The following SLC1A7 variants were observed in gnomAD, a reference collection of about 807,000 sequenced individuals.
SLC1A7 encodes solute carrier family 1 member 7.
SLC1A7 carries 40 observed loss-of-function variants against 47.7 expected under a neutral mutation model. That is an observed-to-expected ratio of 0.84 (90% confidence interval 0.65 to 1.09). The LOEUF (loss-of-function observed/expected upper bound fraction) is 1.09, where lower values mean the gene tolerates loss of function less well. Among genes scored for constraint, SLC1A7 ranks in the 50% least tolerant of loss-of-function variants. The probability of loss-of-function intolerance (pLI) is 0.00; values close to 1 mark genes in which losing one functional copy is unlikely to be tolerated. For synonymous variants in SLC1A7, 323 were observed against 325.6 expected (o/e 0.99, Z 0.09); for missense variants, 746 against 769.5 (o/e 0.97, Z 0.36).
At chr1:53,098,423 A>G (rs1431989741) in intron 5 of SLC1A7, among the ~76,000 whole-genome samples, 3 of 135,278 alleles carry the variant, frequency 2.2e-5, no homozygotes, top group African/African-American at 8.6e-5. Context: ...TTACACTCAC[A>G]CCGCCTCAGT....
chr1:53,097,755 G>A (rs975913561), intron 5 of SLC1A7, among the ~76,000 whole-genome samples: 5 of 128,274 alleles, frequency 3.9e-5, no homozygotes, highest in Admixed American at 1.5e-4. Context: ...CAGTGCCTTG[G>A]TACACTCACA....
chr1:53,090,468 C>G (rs932395973), intron 8 of SLC1A7, 144 bp downstream of exon 8: 5 of 1,300,342 alleles, frequency 3.8e-6, no homozygotes, highest in East Asian at 2.6e-5. Flanking sequence ...CCTCCAGGCT[C>G]GGAGCTCCCA....
At chr1:53,121,595 G>A (rs916069932) in intron 2 of SLC1A7, among the ~76,000 whole-genome samples, 1 of 152,282 alleles carries the variant, frequency 6.6e-6, no homozygotes, top group Non-Finnish European at 1.5e-5. Context: ...GTAGAGGACA[G>A]GAAGCTGGGA....
Position 53,103,573 on chromosome 1 carries a change from T to TG in SLC1A7, c.475-6dup. The TG allele has an allele frequency of 6.4e-7, 1 of 1,555,514 alleles. No individual in the cohort carries two copies. Among genetic ancestry groups the TG allele is most frequent in the Non-Finnish European group, 8.7e-7 (1 of 1,146,662 alleles). Reference sequence around the variant, plus strand: ...TGGGGTGGTCTTGGTGCGGTACTGGTGGGTGACACCCCACCCAGAGAGAAG... The same window carrying TG: ...TGGGGTGGTCTTGGTGCGGTACTGGTGGGGTGACACCCCACCCAGAGAGAAG... On this transcript the variant is annotated splice_polypyrimidine_tract_variant and splice_region_variant and intron_variant, in intron 4 of 10. Transcript: ENST00000371494.
At chr1:53,137,299 A>AAAAAAAAAAAGG (rs71044460) in intron 1 of SLC1A7, among the ~76,000 whole-genome samples, 1 of 139,694 alleles carries the variant, frequency 7.2e-6, no homozygotes, top group Non-Finnish European at 1.5e-5. Flanking sequence ...AAAAAAAAAA[A>AAAAAAAAAAAGG]GTGCTCTACT....
chr1:53,115,792 C>T (rs571831606), intron 2 of SLC1A7: 2 of 152,460 alleles, frequency 1.3e-5, no homozygotes, highest in African/African-American at 4.8e-5. Flanking sequence ...TCTCTCCTCT[C>T]GGCTCCTCCC....
rs1233223018 is a variant in SLC1A7 at position 53,088,172 on chromosome 1, TG to T, written c.1519del (p.Gln507SerfsTer6). On this transcript the variant is annotated frameshift_variant, in exon 11 of 11. Coordinates refer to ENST00000371494, the MANE Select transcript of SLC1A7 (RefSeq NM_006671.6). LOFTEE classifies it high-confidence loss of function. Reference sequence around the variant, plus strand: ...TACACTCTTCACACAGCCATTCTGCTGGGCTGCCACGATCTCCTGGAGGCTC... The same window carrying T: ...TACACTCTTCACACAGCCATTCTGCTGGCTGCCACGATCTCCTGGAGGCTC... ...PVSLQEIVAA[Q>X]QNGCVKSVAE... The T allele has an allele frequency of 2.5e-6, 4 of 1,613,460 alleles. No individual in the cohort carries two copies. Among genetic ancestry groups the T allele is most frequent in the Non-Finnish European group, 3.4e-6 (4 of 1,179,734 alleles).
rs777930839 is a variant in SLC1A7 at position 53,114,782 on chromosome 1, G to A, written c.407C>T (p.Ala136Val). ...CCGGATGAGGTCCAACAGGGCATCGGCTGAGCTCATGATGGGCTTCCCACT... is the reference window on the plus strand; with the variant it reads ...CCGGATGAGGTCCAACAGGGCATCGACTGAGCTCATGATGGGCTTCCCACT... ...EQSGKPIMSS[A>V]DALLDLIRNM... The change falls in exon 3 of 11, where the codon GCC becomes GTC. Residue 136 changes from alanine to valine, a missense_variant. By Grantham distance (64) the Ala-to-Val change is moderately conservative. Coordinates refer to ENST00000371494, the MANE Select transcript of SLC1A7 (RefSeq NM_006671.6). The A allele has an allele frequency of 1.2e-6, 2 of 1,614,058 alleles. No homozygotes were observed. The highest frequency in any genetic ancestry group is 1.7e-6 in the Non-Finnish European group (2 of 1,179,998).
chr1:53,095,206 A>T (rs2150317299), intron 5 of SLC1A7, among the ~76,000 whole-genome samples: 1 of 151,616 alleles, frequency 6.6e-6, no homozygotes, highest in South Asian at 2.1e-4. Context: ...ACACAGACGC[A>T]GGTGCACATA....
chr1:53,119,226 AT>A (rs1170679645), intron 2 of SLC1A7, among the ~76,000 whole-genome samples: 1 of 152,108 alleles, frequency 6.6e-6, no homozygotes, highest in Non-Finnish European at 1.5e-5. Context: ...TAATGTCAAG[AT>A]TGGAACAGGG....
intron 2 of SLC1A7, among the ~76,000 whole-genome samples, chr1:53,128,241 A>G (rs3766800): frequency 0.15 from 22,504 of 152,210 alleles, 2,207 homozygotes; most frequent in East Asian, 0.31. Flanking sequence ...TTGAGAGGCC[A>G]AGGCAGGAGG....
chr1:53,109,281 G>A (rs1255340044), intron 3 of SLC1A7, among the ~76,000 whole-genome samples: 1 of 152,126 alleles, frequency 6.6e-6, no homozygotes, highest in Non-Finnish European at 1.5e-5. Context: ...TCCAATCCCT[G>A]AGAGGGTAGT....
intron 2 of SLC1A7, 73 bp downstream of exon 2, chr1:53,134,277 G>T: frequency 9.1e-7 from 1 of 1,094,332 alleles, no homozygotes; most frequent in South Asian, 1.4e-5. Flanking sequence ...ACCCACAGCA[G>T]GAGCAGGGCA....
Position 53,100,583 on chromosome 1 carries a change from A to T in SLC1A7, c.697+2763T>A, listed in dbSNP as rs565741453. ...CTGCCTCAATACACATACACATACC[A>T]CCTCAGTACACTCACACAACCTGCC... On this transcript the variant is annotated intron_variant, in intron 5 of 10. Transcript: ENST00000371494. 2.5e-3 allele frequency among the ~76,000 whole-genome samples: 354 copies of T among 139,916 alleles called. 6 individuals carry two copies. The highest frequency in any genetic ancestry group is 4.6e-4 in the Non-Finnish European group (30 of 65,506). 91.8% of individuals were successfully genotyped at this position (139,916 alleles called of 152,430 possible).
intron 3 of SLC1A7, among the ~76,000 whole-genome samples, chr1:53,109,509 T>C (rs146938374): frequency 0.02 from 2,973 of 152,306 alleles, 36 homozygotes; most frequent in Middle Eastern, 0.044. Flanking sequence ...TGGCCTGTTG[T>C]GTTCCTCTGG....
intron 3 of SLC1A7, among the ~76,000 whole-genome samples, chr1:53,111,101 T>C (rs1054353538): frequency 6.6e-6 from 1 of 151,914 alleles, no homozygotes; most frequent in Admixed American, 6.5e-5. Flanking sequence ...TATGATCATG[T>C]TGGGTAGTAA....
rs1454107463 is a variant in SLC1A7 at position 53,088,102 on chromosome 1, G to A, written c.1590C>T (p.His530=). Residue 530 remains histidine (H), a synonymous_variant, in exon 11 of 11, where the codon CAC becomes CAT. Transcript: ENST00000371494. The stretch of plus-strand genomic sequence containing the variant: ...CATCCTGCTCCACTTGAACGGGGAC[G>A]TGGTGGGGGCAGGTGGGGCCCAGGG... ...ELTLGPTCPH[H]VPVQVEQDEE... 5 of 1,612,018 alleles carry A rather than the reference G, an allele frequency of 3.1e-6. No homozygotes were observed. In the Admixed American group the frequency reaches 5.0e-5, roughly 16 times the overall value.
Position 53,142,559 on chromosome 1 carries a change from C to T in SLC1A7, c.-110G>A, listed in dbSNP as rs749182320. 6.6e-5 allele frequency: 87 copies of T among 1,320,036 alleles called. No homozygotes were observed. The highest frequency in any genetic ancestry group is 3.2e-5 in the Non-Finnish European group (31 of 983,956). 81.8% of individuals were successfully genotyped at this position (1,320,036 alleles called of 1,614,324 possible). On this transcript the variant is annotated 5_prime_UTR_variant, in exon 1 of 11. Coordinates refer to ENST00000371494, the MANE Select transcript of SLC1A7 (RefSeq NM_006671.6). ...TCTAGCCCCTCAGCAGGCAGGTGGT[C>T]GGAGTTGCTAAACACCAGTCGCCAG...
intron 5 of SLC1A7, 200 bp downstream of exon 5, chr1:53,103,146 G>A (rs548069448): frequency 7.7e-6 from 4 of 520,596 alleles, no homozygotes; most frequent in Non-Finnish European, 1.3e-5. Flanking sequence ...GCCTGAGGGG[G>A]AGGTGCCAGG....
Sources: allele counts gnomAD v4.1 joint callset (sites outside exome capture counted in the v4.1 genomes callset), GRCh38; gene constraint gnomAD v4.1.1; transcripts MANE v1.5; gene names NCBI Gene and HGNC (gene_info 2026-07-23, HGNC 2026-07-21).